ANO4: variants seen among roughly 807,000 people sequenced by gnomAD.
ANO4 encodes the protein anoctamin-4.
A neutral mutation model predicts 141.9 loss-of-function variants in ANO4; 69 were observed. That is an observed-to-expected ratio of 0.49 (90% CI 0.40 to 0.59). The LOEUF (loss-of-function observed/expected upper bound fraction) is 0.59, where lower values mean the gene tolerates loss of function less well. Ranked by LOEUF, ANO4 falls within the 20% of genes least tolerant of loss-of-function variation. ANO4 has a pLI of 0.00. For missense variants in ANO4, 894 were observed against 1,162.2 expected, an observed-to-expected ratio of 0.77 and a Z score of 3.36; for synonymous variants, 350 against 394.3, an observed-to-expected ratio of 0.89 and a Z score of 1.33.
intron 1 of ANO4, among the ~76,000 whole-genome samples, chr12:100,802,865 G>A (rs2034779944): frequency 6.6e-6 from 1 of 152,074 alleles, no homozygotes; most frequent in African/African-American, 2.4e-5. Context: ...TATGCATTAT[G>A]GTTAGGTTAT....
intron 24 of ANO4, among the ~76,000 whole-genome samples, chr12:101,112,888 A>G (rs1002575447): frequency 3.3e-5 from 5 of 152,238 alleles, no homozygotes; most frequent in African/African-American, 1.2e-4. Flanking sequence ...TGAGCATACC[A>G]TCCCATTTTA....
In ANO4 at chr12:100,830,255, T is replaced by A. The variant is rs573279595; in HGVS notation, c.-141+35228T>A. ...ACAGTTTGCTGTTAAAGGGAGAATATTTAAGGGGCCCGAGATGCTGTAGGA... is the reference window on the plus strand; with the variant it reads ...ACAGTTTGCTGTTAAAGGGAGAATAATTAAGGGGCCCGAGATGCTGTAGGA... On this transcript the variant is annotated intron_variant, in intron 1 of 27. Coordinates refer to ENST00000392977, the MANE Select transcript of ANO4 (RefSeq NM_001286615.2). Among the ~76,000 whole-genome samples, 51 of 152,144 alleles carry A rather than the reference T, an allele frequency of 3.4e-4. No homozygotes were observed. The South Asian group carries it at 9.9e-3, about 30-fold the overall frequency.
At chr12:100,846,883 C>G (rs1231062616) in intron 1 of ANO4, among the ~76,000 whole-genome samples, 1 of 152,096 alleles carries the variant, frequency 6.6e-6, no homozygotes, top group Non-Finnish European at 1.5e-5. Context: ...ATCTTATTCC[C>G]TTCCTACCCT....
chr12:100,910,349 A>G (rs1482584796), intron 2 of ANO4, among the ~76,000 whole-genome samples: 1 of 152,206 alleles, frequency 6.6e-6, no homozygotes, highest in African/African-American at 2.4e-5. Flanking sequence ...AACTTGTGCT[A>G]GAATACCAAT....
rs145966754 is a variant in ANO4 at position 100,969,145 on chromosome 12, C to T, written c.457-2161C>T. On this transcript the variant is annotated intron_variant, in intron 5 of 27. Transcript: ENST00000392977. ...ACAGGAATCACAATATCCACCTAGG[C>T]CAGGTCTAACGGCCCACATTTCACT... 1.2e-3 allele frequency among the ~76,000 whole-genome samples: 182 copies of T among 152,294 alleles called. 1 individual carries two copies. The highest frequency in any genetic ancestry group is 3.8e-3 in the African/African-American group (160 of 41,568).
At chr12:100,903,403 G>A (rs777012454) in intron 2 of ANO4, among the ~76,000 whole-genome samples, 4 of 152,118 alleles carry the variant, frequency 2.6e-5, no homozygotes, top group African/African-American at 4.8e-5. Context: ...TGATTCATCT[G>A]TACCCCTAAT....
chr12:101,049,609 G>A lies in ANO4; in HGVS notation c.1312+1208G>A, dbSNP rs529125653. Among the ~76,000 whole-genome samples the A allele has an allele frequency of 5.1e-4, 77 of 151,898 alleles. 1 individual carries two copies. In the South Asian group the frequency reaches 0.015, roughly 30 times the overall value. The stretch of plus-strand genomic sequence containing the variant: ...TGGAAGGAAAGAAGGAAAAAGAGAA[G>A]AAGAAAGAAAAAGAAATTACCAAAA... On this transcript the variant is annotated intron_variant, in intron 14 of 27. Coordinates refer to ENST00000392977, the MANE Select transcript of ANO4 (RefSeq NM_001286615.2).
intron 1 of ANO4, among the ~76,000 whole-genome samples, chr12:100,878,692 C>T (rs1191734654): frequency 1.3e-5 from 2 of 152,158 alleles, no homozygotes; most frequent in African/African-American, 4.8e-5. Context: ...AATAATCTCC[C>T]TAAGGCGTGC....
chr12:100,885,255 G>T (rs1036418411), intron 1 of ANO4, among the ~76,000 whole-genome samples: 6 of 152,176 alleles, frequency 3.9e-5, no homozygotes, highest in Admixed American at 1.3e-4. Context: ...TGAAGAGTTG[G>T]GCATTTTAGC....
intron 1 of ANO4, among the ~76,000 whole-genome samples, chr12:100,891,924 C>G (rs193127133): frequency 6.6e-6 from 1 of 152,258 alleles, no homozygotes; most frequent in Admixed American, 6.5e-5. Flanking sequence ...GCTCCACCCC[C>G]CAGCTTTTGG....
intron 22 of ANO4, among the ~76,000 whole-genome samples, chr12:101,104,283 CTT>C (rs2050321793): frequency 6.6e-6 from 1 of 151,594 alleles, no homozygotes; most frequent in African/African-American, 2.4e-5. Context: ...CTTAATTTCA[CTT>C]TTTTTCTCAG....
intron 8 of ANO4, among the ~76,000 whole-genome samples, chr12:100,989,750 T>TATGG (rs370125379): frequency 0.026 from 2,983 of 115,270 alleles, 47 homozygotes; most frequent in East Asian, 0.073. Context: ...TGGATGGATA[T>TATGG]ATGGATGGAT....
At chr12:100,994,460 A>G (rs1323512631) in intron 8 of ANO4, among the ~76,000 whole-genome samples, 1 of 152,198 alleles carries the variant, frequency 6.6e-6, no homozygotes, top group East Asian at 1.9e-4. Flanking sequence ...GAAAAAAGGA[A>G]ATATGCAAGA....
At chr12:100,986,330 A>G (rs2044706925) in intron 7 of ANO4, among the ~76,000 whole-genome samples, 1 of 152,194 alleles carries the variant, frequency 6.6e-6, no homozygotes, top group African/African-American at 2.4e-5. Context: ...GGGCAGGAGA[A>G]GATGGATGTT....
chr12:101,024,081 T>C (rs1211954390), intron 9 of ANO4, among the ~76,000 whole-genome samples: 1 of 152,344 alleles, frequency 6.6e-6, no homozygotes, highest in East Asian at 1.9e-4. Flanking sequence ...TTATTTCAAC[T>C]GTAAAAATCA....
chr12:100,882,753 C>T (rs1406935565), intron 1 of ANO4, among the ~76,000 whole-genome samples: 1 of 151,994 alleles, frequency 6.6e-6, no homozygotes, highest in Non-Finnish European at 1.5e-5. Flanking sequence ...GGCTGGAGTG[C>T]AGTGGCATGA....
intron 5 of ANO4, among the ~76,000 whole-genome samples, chr12:100,947,208 A>AT (rs1476687195): frequency 6.6e-6 from 1 of 152,228 alleles, no homozygotes; most frequent in Non-Finnish European, 1.5e-5. Flanking sequence ...AAATAAATAC[A>AT]TGTTTTTATG....
At chr12:101,019,571 C>T (rs1287696733) in intron 8 of ANO4, among the ~76,000 whole-genome samples, 1 of 152,120 alleles carries the variant, frequency 6.6e-6, no homozygotes, top group Non-Finnish European at 1.5e-5. Context: ...CACCTGTGAG[C>T]CAGACCACAG....
chr12:101,079,688 C>T (rs951860943), intron 15 of ANO4, among the ~76,000 whole-genome samples: 10 of 152,186 alleles, frequency 6.6e-5, no homozygotes, highest in Non-Finnish European at 1.5e-4. Context: ...CACCCAGGAC[C>T]GTGCCCAGGT....
Sources: allele counts gnomAD v4.1 joint callset (sites outside exome capture counted in the v4.1 genomes callset), GRCh38; gene constraint gnomAD v4.1.1; transcripts MANE v1.5; gene names NCBI Gene and HGNC (gene_info 2026-07-23, HGNC 2026-07-21).